SLC25A21: variants seen among roughly 807,000 people sequenced by gnomAD.
SLC25A21 encodes the protein mitochondrial 2-oxodicarboxylate carrier.
A neutral mutation model predicts 43.8 loss-of-function variants in SLC25A21; 47 were observed. The ratio of observed to expected loss-of-function variants is 1.07; its 90% CI spans 0.85 to 1.37. The LOEUF is 1.37. SLC25A21 is among the 40% of genes most tolerant of loss of function. The probability of loss-of-function intolerance (pLI) is 0.00; values close to 1 mark genes in which losing one functional copy is unlikely to be tolerated. For missense variants in SLC25A21, 352 were observed against 350.2 expected (o/e 1.00, Z -0.04); for synonymous variants, 131 against 121.3 (o/e 1.08, Z -0.52).
At chr14:37,128,536 CTCTG>C (rs1345607421) in intron 1 of SLC25A21, among the ~76,000 whole-genome samples, 69 of 87,040 alleles carry the variant, frequency 7.9e-4, no homozygotes, top group East Asian at 2.7e-3. Flanking sequence ...CTCTCTCTCT[CTCTG>C]TGTGTGTGTG....
At chr14:36,818,785 C>A (rs368557321) in intron 2 of SLC25A21, among the ~76,000 whole-genome samples, 9 of 152,312 alleles carry the variant, frequency 5.9e-5, no homozygotes, top group African/African-American at 2.2e-4. Context: ...CTCTGCTCTA[C>A]ATTTCAGCAA....
In SLC25A21 at chr14:37,098,805, AT is replaced by A. The variant is rs71124791; in HGVS notation, c.70+73475del. On this transcript the variant is annotated intron_variant, in intron 1 of 9. Transcript: ENST00000331299. ...GACAGACAGATAGATAGATAGATAG[AT>A]TTTTTTTTTTTTTTGAGACAAAGTC... 6.1e-3 allele frequency among the ~76,000 whole-genome samples: 795 copies of A among 129,452 alleles called. 35 individuals carry two copies. The highest frequency in any genetic ancestry group is 0.027 in the African/African-American group (700 of 26,358). The allele number at this position is 129,452 out of a possible 152,430, so 84.9% of individuals were successfully genotyped here.
At chr14:36,721,496 G>A (rs534289578) in intron 6 of SLC25A21, among the ~76,000 whole-genome samples, 4 of 152,296 alleles carry the variant, frequency 2.6e-5, no homozygotes, top group South Asian at 2.1e-4. Flanking sequence ...CTGCAGGTAC[G>A]CTATTCAAGG....
intron 1 of SLC25A21, among the ~76,000 whole-genome samples, chr14:36,923,919 G>GA (rs1269754758): frequency 6.6e-6 from 1 of 152,144 alleles, no homozygotes; most frequent in African/African-American, 2.4e-5. Flanking sequence ...ACAGACACAT[G>GA]AAAAAATGCT....
intron 3 of SLC25A21, among the ~76,000 whole-genome samples, chr14:36,756,594 C>G (rs1022553886): frequency 6.6e-6 from 1 of 152,140 alleles, no homozygotes; most frequent in Admixed American, 6.6e-5. Context: ...TACCCATTTC[C>G]CTTGGCACCC....
At chr14:36,808,110 A>C (rs1429845) in intron 3 of SLC25A21, among the ~76,000 whole-genome samples, 27,692 of 152,136 alleles carry the variant, frequency 0.18, 2,948 homozygotes, top group East Asian at 0.39. Flanking sequence ...TATTTTCTAC[A>C]GCAATACTTT....
intron 1 of SLC25A21, among the ~76,000 whole-genome samples, chr14:37,139,589 A>G (rs1594812895): frequency 6.6e-6 from 1 of 152,208 alleles, no homozygotes; most frequent in East Asian, 1.9e-4. Context: ...TGAAAAATGA[A>G]TAACACAATT....
intron 2 of SLC25A21, among the ~76,000 whole-genome samples, chr14:36,855,358 G>A: frequency 6.6e-6 from 1 of 152,118 alleles, no homozygotes; most frequent in East Asian, 1.9e-4. Flanking sequence ...AAAGTGGGAG[G>A]CAGCCTCAGG....
At chr14:37,126,690 A>G (rs911681354) in intron 1 of SLC25A21, among the ~76,000 whole-genome samples, 2 of 152,214 alleles carry the variant, frequency 1.3e-5, no homozygotes, top group African/African-American at 2.4e-5. Context: ...AGCCTACACG[A>G]ACATGTCAAC....
At position 36,678,579 on chromosome 14, in the gene SLC25A21, C is replaced by G. The variant is rs1345614378; in HGVS notation, c.*2079G>C. On this transcript the variant is annotated 3_prime_UTR_variant, in exon 10 of 10. Coordinates refer to ENST00000331299, the MANE Select transcript of SLC25A21 (RefSeq NM_030631.4). Reference sequence around the variant, plus strand: ...TAAAACCATACCATACAGGGACTCTCCTGTCATCTGAAAAACTGATGTAAG... The same window carrying G: ...TAAAACCATACCATACAGGGACTCTGCTGTCATCTGAAAAACTGATGTAAG... The G allele has an allele frequency of 1.5e-5, 23 of 1,517,796 alleles. No homozygotes were observed. Among genetic ancestry groups the G allele is most frequent in the Non-Finnish European group, 1.8e-5 (21 of 1,137,928 alleles). 94.0% of individuals were successfully genotyped at this position (1,517,796 alleles called of 1,614,324 possible).
chr14:37,108,310 T>A (rs2138873665), intron 1 of SLC25A21, among the ~76,000 whole-genome samples: 1 of 152,288 alleles, frequency 6.6e-6, no homozygotes, highest in African/African-American at 2.4e-5. Flanking sequence ...ACACAACGCC[T>A]TTTTTATTCT....
chr14:36,824,497 T>A (rs1888750518), intron 2 of SLC25A21, among the ~76,000 whole-genome samples: 1 of 152,142 alleles, frequency 6.6e-6, no homozygotes, highest in Admixed American at 6.6e-5. Context: ...TACTTTTATA[T>A]CACTTTCAAT....
intron 2 of SLC25A21, among the ~76,000 whole-genome samples, chr14:36,840,098 T>C (rs984631441): frequency 6.6e-6 from 1 of 152,176 alleles, no homozygotes; most frequent in Non-Finnish European, 1.5e-5. Context: ...ACAGGTGGCC[T>C]TCCACAGGGA....
At chr14:36,773,138 C>T (rs1886686067) in intron 3 of SLC25A21, among the ~76,000 whole-genome samples, 1 of 151,862 alleles carries the variant, frequency 6.6e-6, no homozygotes, top group African/African-American at 2.4e-5. Context: ...TCAAAATAAA[C>T]TTAAAATACT....
At chr14:37,045,398 T>C (rs928488730) in intron 1 of SLC25A21, among the ~76,000 whole-genome samples, 4 of 152,210 alleles carry the variant, frequency 2.6e-5, no homozygotes, top group African/African-American at 7.2e-5. Context: ...TAAGGGACCC[T>C]GTGAGATCAC....
intron 1 of SLC25A21, among the ~76,000 whole-genome samples, chr14:37,059,616 C>CA (rs1961901898): frequency 6.6e-6 from 1 of 152,140 alleles, no homozygotes; most frequent in African/African-American, 2.4e-5. Context: ...CAAACAACAA[C>CA]AAAACCATGA....
chr14:37,064,134 A>G (rs1305004607), intron 1 of SLC25A21, among the ~76,000 whole-genome samples: 2 of 152,180 alleles, frequency 1.3e-5, no homozygotes, highest in African/African-American at 4.8e-5. Context: ...GAACAAAAAG[A>G]CAGAGAAGAC....
Position 36,678,154 on chromosome 14 carries a change from T to G in SLC25A21, c.*2504A>C. 1.1e-5 allele frequency: 4 copies of G among 367,510 alleles called. No individual in the cohort carries two copies. In the South Asian group the frequency reaches 1.7e-4, roughly 16 times the overall value. The allele number at this position is 367,510 out of a possible 1,614,324, so 22.8% of individuals were successfully genotyped here. A position where few individuals can be genotyped will look rare whatever the true frequency, so the allele number is the denominator to read the frequency against. Reference sequence around the variant, plus strand: ...TTCTTCCGGTCTGTGCTGTGCACAGTCTACATGGCAATGCGGTTCCACCAC... The same window carrying G: ...TTCTTCCGGTCTGTGCTGTGCACAGGCTACATGGCAATGCGGTTCCACCAC... On this transcript the variant is annotated 3_prime_UTR_variant, in exon 10 of 10. Coordinates refer to ENST00000331299, the MANE Select transcript of SLC25A21 (RefSeq NM_030631.4).
In SLC25A21 at chr14:37,032,862, G is replaced by A. The variant is rs115547767; in HGVS notation, c.70+139419C>T. Among the ~76,000 whole-genome samples, 500 of 152,116 alleles carry A rather than the reference G, an allele frequency of 3.3e-3. 1 individual carries two copies. Among genetic ancestry groups the A allele is most frequent in the African/African-American group, 0.012 (482 of 41,492 alleles). ...ATTACCAATCTGCGTACCGCCCTTT[G>A]GAAGAAAAACAGTTCCTAAGTTTCA... is the stretch of plus-strand genomic sequence containing the variant. On this transcript the variant is annotated intron_variant, in intron 1 of 9. Coordinates refer to ENST00000331299, the MANE Select transcript of SLC25A21 (RefSeq NM_030631.4).
Sources: gnomAD v4.1 joint callset for allele counts (sites outside exome capture counted in the v4.1 genomes callset) on GRCh38, gnomAD v4.1.1 for gene constraint, MANE v1.5 for transcripts, NCBI Gene and HGNC (gene_info 2026-07-23, HGNC 2026-07-21) for gene names.